HLCS: variants seen among roughly 807,000 people sequenced by gnomAD.
The protein encoded by HLCS is holocarboxylase synthetase.
A neutral mutation model predicts 75.0 loss-of-function variants in HLCS; 53 were observed. The observed-to-expected ratio is 0.71, with a 90% CI of 0.57 to 0.89. The LOEUF is 0.89. Ranked by LOEUF, HLCS falls within the 40% of genes least tolerant of loss-of-function variation. The pLI, the probability that HLCS is intolerant of heterozygous loss-of-function variation, is 0.00. For synonymous variants in HLCS, 431 were observed against 428.6 expected (o/e 1.01, Z -0.07); for missense variants, 966 against 1,074.0 (o/e 0.90, Z 1.41).
intron 2 of HLCS, chr21:36,948,170 A>G (rs184989365): frequency 6.4e-6 from 1 of 157,028 alleles, no homozygotes; most frequent in African/African-American, 2.4e-5. Flanking sequence ...GTGCACCTGT[A>G]GTCCCAGCTA....
chr21:36,762,274 G>A (rs1389043151), intron 8 of HLCS, among the ~76,000 whole-genome samples: 10 of 152,218 alleles, frequency 6.6e-5, no homozygotes, highest in Non-Finnish European at 8.8e-5. Context: ...AGAGCTGGAA[G>A]TAGCTGGAGG....
At chr21:36,938,659 C>A (rs1365273227) in intron 3 of HLCS, among the ~76,000 whole-genome samples, 173 bp downstream of exon 3, 1 of 152,130 alleles carries the variant, frequency 6.6e-6, no homozygotes, top group Non-Finnish European at 1.5e-5. Context: ...CCACCACACC[C>A]AGCTAATTTT....
At chr21:36,850,741 C>A (rs1265970711) in intron 6 of HLCS, among the ~76,000 whole-genome samples, 3 of 152,148 alleles carry the variant, frequency 2.0e-5, no homozygotes, top group African/African-American at 7.2e-5. Context: ...AAGGGAATAG[C>A]AGGGTGACAC....
At chr21:36,787,843 G>C (rs1361308189) in intron 6 of HLCS, among the ~76,000 whole-genome samples, 1 of 152,162 alleles carries the variant, frequency 6.6e-6, no homozygotes, top group Non-Finnish European at 1.5e-5. Context: ...GACACTGGCT[G>C]CTGTTATTTA....
At chr21:36,862,762 T>A (rs902636455) in intron 6 of HLCS, among the ~76,000 whole-genome samples, 1 of 152,176 alleles carries the variant, frequency 6.6e-6, no homozygotes, top group East Asian at 1.9e-4. Flanking sequence ...ATGAGCCTTA[T>A]AGAGCCTACA....
At chr21:36,768,854 TTGTC>T (rs1208788873) in intron 6 of HLCS, among the ~76,000 whole-genome samples, 2 of 152,166 alleles carry the variant, frequency 1.3e-5, no homozygotes, top group African/African-American at 4.8e-5. Flanking sequence ...GAAGGAGTCT[TTGTC>T]TGTGCAGGGA....
intron 2 of HLCS, among the ~76,000 whole-genome samples, chr21:36,942,929 TA>T (rs937295288): frequency 4.9e-4 from 70 of 143,124 alleles, no homozygotes; most frequent in Admixed American, 4.2e-4. Context: ...GACTCCATCT[TA>T]AAAAAAAAAA....
intron 6 of HLCS, among the ~76,000 whole-genome samples, chr21:36,805,822 G>A (rs972422501): frequency 6.6e-5 from 10 of 152,142 alleles, no homozygotes; most frequent in African/African-American, 2.4e-4. Flanking sequence ...ATCACTAGAC[G>A]TCCACTTCAT....
intron 6 of HLCS, among the ~76,000 whole-genome samples, chr21:36,874,141 T>C (rs1429956089): frequency 6.6e-6 from 1 of 152,190 alleles, no homozygotes; most frequent in Non-Finnish European, 1.5e-5. Context: ...ACTTACTGTA[T>C]CACCACTTCT....
chr21:36,816,724 T>C (rs955564014), intron 6 of HLCS, among the ~76,000 whole-genome samples: 5 of 152,196 alleles, frequency 3.3e-5, no homozygotes, highest in African/African-American at 9.6e-5. Flanking sequence ...AAATGAGCTA[T>C]CGGAAACGCT....
intron 6 of HLCS, among the ~76,000 whole-genome samples, chr21:36,816,737 C>A (rs746282157): frequency 6.6e-6 from 1 of 152,118 alleles, no homozygotes; most frequent in African/African-American, 2.4e-5. Flanking sequence ...GAAACGCTGA[C>A]TTCAGGAAGT....
chr21:36,812,824 C>T (rs1489366865), intron 6 of HLCS, among the ~76,000 whole-genome samples: 2 of 152,104 alleles, frequency 1.3e-5, no homozygotes, highest in East Asian at 3.8e-4. Context: ...TTTGGGAGGC[C>T]GAGGTGCGAG....
At chr21:36,898,296 A>C (rs1198213198) in intron 5 of HLCS, among the ~76,000 whole-genome samples, 1 of 151,716 alleles carries the variant, frequency 6.6e-6, no homozygotes, top group Non-Finnish European at 1.5e-5. Context: ...AAATACAAAA[A>C]CTTGCCAGGC....
At chr21:36,980,089 GA>G (rs1443686313) in intron 1 of HLCS, among the ~76,000 whole-genome samples, 1 of 144,278 alleles carries the variant, frequency 6.9e-6, no homozygotes, top group Non-Finnish European at 1.5e-5. Context: ...CTCAGAGGCT[GA>G]AAAGGGAGGA....
chr21:36,845,264 A>G lies in HLCS; in HGVS notation c.1892+51596T>C, dbSNP rs564937842. On this transcript the variant is annotated intron_variant, in intron 6 of 10. Transcript: ENST00000674895. ...CTCGGCCCCGATCAAAGCGGGTTCC[A>G]TATTACCAGGGAGGTGAGGAATCCC... Among the ~76,000 whole-genome samples the G allele has an allele frequency of 6.6e-5, 10 of 152,180 alleles. No homozygotes were observed. The East Asian group carries it at 1.7e-3, about 27-fold the overall frequency.
At chr21:36,784,464 T>C (rs1441407218) in intron 6 of HLCS, among the ~76,000 whole-genome samples, 1 of 152,040 alleles carries the variant, frequency 6.6e-6, no homozygotes, top group Non-Finnish European at 1.5e-5. Context: ...TACAGGCATG[T>C]GCCACCATGC....
intron 6 of HLCS, among the ~76,000 whole-genome samples, chr21:36,778,135 AT>A (rs1207789427): frequency 2.0e-5 from 3 of 151,502 alleles, no homozygotes; most frequent in South Asian, 2.1e-4. Flanking sequence ...CGCCCGGCTA[AT>A]TTTTTTGTAT....
chr21:36,776,010 G>A (rs1263276926), intron 6 of HLCS, among the ~76,000 whole-genome samples: 4 of 152,164 alleles, frequency 2.6e-5, no homozygotes, highest in Non-Finnish European at 5.9e-5. Context: ...CAGACAAGAG[G>A]ACACAGTCTC....
intron 1 of HLCS, chr21:36,975,081 A>G (rs1258163872): frequency 6.6e-6 from 1 of 152,074 alleles, no homozygotes; most frequent in African/African-American, 2.4e-5. Flanking sequence ...CGCCGCAATC[A>G]TCTCTTCCAC....
Sources: allele counts gnomAD v4.1 joint callset (sites outside exome capture counted in the v4.1 genomes callset), GRCh38; gene constraint gnomAD v4.1.1; transcripts MANE v1.5; gene names NCBI Gene and HGNC (gene_info 2026-07-23, HGNC 2026-07-21).